Variants in LTC4S observed in about 807,000 individuals in gnomAD.
LTC4S encodes LTC4 synthase.
LTC4S carries 18 observed loss-of-function variants against 19.6 expected under a neutral mutation model. The observed-to-expected ratio is 0.92, with a 90% CI of 0.64 to 1.36. The LOEUF is 1.36. Among genes scored for constraint, LTC4S ranks in the 40% most tolerant of loss-of-function variants. The pLI is 0.00. For missense variants in LTC4S, 235 were observed against 212.2 expected (o/e 1.11, Z -0.67); for synonymous variants, 126 against 110.1 (o/e 1.14, Z -0.91).
rs970216455 is a variant in LTC4S at position 179,796,621 on chromosome 5, G to C, written c.*227G>C. The C allele has an allele frequency of 1.1e-5, 6 of 536,038 alleles. No homozygotes were observed. The African/African-American group carries it at 1.2e-4, about 11-fold the overall frequency. The allele number at this position is 536,038 out of a possible 1,614,324, so 33.2% of individuals were successfully genotyped here. ...CCGGGGCGGGCTTCCTAGTGGCGGCGTGAGAGTGGCTGCGAAGGAACGAGC... is the reference window on the plus strand; with the variant it reads ...CCGGGGCGGGCTTCCTAGTGGCGGCCTGAGAGTGGCTGCGAAGGAACGAGC... On this transcript the variant is annotated 3_prime_UTR_variant, in exon 5 of 5. Transcript: ENST00000292596.
At chr5:179,795,005 C>T (rs1276068744) in intron 1 of LTC4S, among the ~76,000 whole-genome samples, 1 of 152,154 alleles carries the variant, frequency 6.6e-6, no homozygotes, top group African/African-American at 2.4e-5. Flanking sequence ...AGGCCTGGGA[C>T]CGGAATGCAG....
chr5:179,795,945 G>C lies in LTC4S; in HGVS notation c.234G>C (p.Ala78=), dbSNP rs773563514. ...GCCCGTGCGTACCTCTCGCAGGGGCGGCGGCCCTGTGCGGCCTGGTCTACC... is the reference window on the plus strand; with the variant it reads ...GCCCGTGCGTACCTCTCGCAGGGGCCGCGGCCCTGTGCGGCCTGGTCTACC... The part of the protein sequence containing the change: ...WVAGIFFHEG[A]AALCGLVYLF... The change falls in exon 4 of 5, where the codon GCG becomes GCC. Residue 78 remains alanine (A), a synonymous_variant. Coordinates refer to ENST00000292596, the MANE Select transcript of LTC4S (RefSeq NM_145867.2). 10 of 1,562,344 alleles carry C rather than the reference G, an allele frequency of 6.4e-6. No homozygotes were observed. The highest frequency in any genetic ancestry group is 8.6e-6 in the Non-Finnish European group (10 of 1,159,342).
In LTC4S at chr5:179,796,492, T is replaced by C; in HGVS notation, c.*98T>C. The stretch of plus-strand genomic sequence containing the variant: ...CGCTTCCGCATCCTAGTCTCTATCA[T>C]TAAAGTTCTAGTGACCGAGACCCGG... On this transcript the variant is annotated 3_prime_UTR_variant, in exon 5 of 5. Transcript: ENST00000292596. 7.4e-7 allele frequency: 1 copy of C among 1,357,158 alleles called. No individual in the cohort carries two copies. The highest frequency in any genetic ancestry group is 9.5e-7 in the Non-Finnish European group (1 of 1,056,280). 84.1% of individuals were successfully genotyped at this position (1,357,158 alleles called of 1,614,324 possible). A position where few individuals can be genotyped will look rare whatever the true frequency, so the allele number is the denominator to read the frequency against.
intron 1 of LTC4S, chr5:179,795,288 C>A: frequency 1.6e-5 from 16 of 996,062 alleles, no homozygotes; most frequent in Non-Finnish European, 2.2e-5. Context: ...GTCTCTCTCG[C>A]GGAGCAGGTG....
rs1018132799 is a variant in LTC4S at position 179,794,147 on chromosome 5, G to C, written c.58+9G>C. On this transcript the variant is annotated intron_variant, in intron 1 of 4. Transcript: ENST00000292596. ...GGGAGTCCTGCTGCAAGGTGGGCTG[G>C]TTCCTATCTAGGAAGAGGGTGGGCC... The C allele has an allele frequency of 1.2e-6, 2 of 1,613,374 alleles. No homozygotes were observed. The highest frequency in any genetic ancestry group is 1.7e-6 in the Non-Finnish European group (2 of 1,179,872).
Position 179,794,030 on chromosome 5 carries a change from G to A in LTC4S, c.-51G>A, listed in dbSNP as rs28365148. The A allele has an allele frequency of 5.2e-3, 8,465 of 1,612,800 alleles. 321 individuals are homozygous for A. In the African/African-American group the frequency reaches 0.09, roughly 17 times the overall value. Reference sequence around the variant, plus strand: ...CTCTGAGCAGCAGACGGGGCTAAGCGTTCCCCAGCTCGCCTTCACACACAG... The same window carrying A: ...CTCTGAGCAGCAGACGGGGCTAAGCATTCCCCAGCTCGCCTTCACACACAG... On this transcript the variant is annotated 5_prime_UTR_variant, in exon 1 of 5. Transcript: ENST00000292596.
chr5:179,796,543 T>TG lies in LTC4S; in HGVS notation c.*151dup. The TG allele has an allele frequency of 8.3e-7, 1 of 1,203,866 alleles. No individual in the cohort carries two copies. Among genetic ancestry groups the TG allele is most frequent in the Non-Finnish European group, 1.1e-6 (1 of 938,984 alleles). 74.6% of individuals were successfully genotyped at this position (1,203,866 alleles called of 1,614,324 possible). A position where few individuals can be genotyped will look rare whatever the true frequency, so the allele number is the denominator to read the frequency against. On this transcript the variant is annotated 3_prime_UTR_variant, in exon 5 of 5. Transcript: ENST00000292596. ...GCTGCGTTCTCTGGGTCCGCGGGGGTGGCGCACCGCGGGCTACGGAGCCTG... is the reference window on the plus strand; with the variant it reads ...GCTGCGTTCTCTGGGTCCGCGGGGGTGGGCGCACCGCGGGCTACGGAGCCTG...
intron 1 of LTC4S, chr5:179,795,291 A>G (rs889605295): frequency 3.2e-5 from 33 of 1,023,476 alleles, no homozygotes; most frequent in Non-Finnish European, 4.2e-5. Context: ...TCTCTCGCGG[A>G]GCAGGTGTCC....
chr5:179,795,693 G>A lies in LTC4S; in HGVS notation c.158+10G>A, dbSNP rs773576827. ...GCGTCTACCGAGCCCAGTGAGGCGC[G>A]GCGGGAGGGCGCGGGGCGGGGAGCG... On this transcript the variant is annotated intron_variant, in intron 2 of 4. Coordinates refer to ENST00000292596, the MANE Select transcript of LTC4S (RefSeq NM_145867.2). 3.8e-6 allele frequency: 6 copies of A among 1,585,788 alleles called. 1 individual carries two copies. The South Asian group carries it at 6.8e-5, about 18-fold the overall frequency.
In LTC4S at chr5:179,796,618, G is replaced by A; in HGVS notation, c.*224G>A. The A allele has an allele frequency of 1.8e-6, 1 of 552,648 alleles. No individual in the cohort carries two copies. The highest frequency in any genetic ancestry group is 3.6e-5 in the South Asian group (1 of 27,450). The allele number at this position is 552,648 out of a possible 1,614,324, so 34.2% of individuals were successfully genotyped here. A position where few individuals can be genotyped will look rare whatever the true frequency, so the allele number is the denominator to read the frequency against. ...AGCCCGGGGCGGGCTTCCTAGTGGC[G>A]GCGTGAGAGTGGCTGCGAAGGAACG... On this transcript the variant is annotated 3_prime_UTR_variant, in exon 5 of 5. Coordinates refer to ENST00000292596, the MANE Select transcript of LTC4S (RefSeq NM_145867.2).
Position 179,796,037 on chromosome 5 carries a change from G to A in LTC4S, c.311+15G>A, listed in dbSNP as rs1756609300. On this transcript the variant is annotated intron_variant, in intron 4 of 4. Transcript: ENST00000292596. Reference sequence around the variant, plus strand: ...GCGCAGCTCAGGTGAGGGCCGGGCGGGGAGCGGGGCGGGGCCGGGGAAAGA... The same window carrying A: ...GCGCAGCTCAGGTGAGGGCCGGGCGAGGAGCGGGGCGGGGCCGGGGAAAGA... 6.6e-7 allele frequency: 1 copy of A among 1,513,082 alleles called. No homozygotes were observed. The highest frequency in any genetic ancestry group is 8.8e-7 in the Non-Finnish European group (1 of 1,137,148). 93.7% of individuals were successfully genotyped at this position (1,513,082 alleles called of 1,614,324 possible). A position where few individuals can be genotyped will look rare whatever the true frequency, so the allele number is the denominator to read the frequency against.
chr5:179,795,775 G>T lies in LTC4S; in HGVS notation c.159-11G>T. On this transcript the variant is annotated splice_polypyrimidine_tract_variant and intron_variant, in intron 2 of 4. Transcript: ENST00000292596. ...CCCGGCCGGCGCGCTCATCCCACCC[G>T]CCCACCGCAGGGTGAACTGCAGCGA... The T allele has an allele frequency of 1.3e-6, 1 of 789,492 alleles. No homozygotes were observed. 48.9% of individuals were successfully genotyped at this position (789,492 alleles called of 1,614,324 possible). A position where few individuals can be genotyped will look rare whatever the true frequency, so the allele number is the denominator to read the frequency against.
Position 179,795,696 on chromosome 5 carries a change from G to A in LTC4S, c.158+13G>A, listed in dbSNP as rs1177906528. The A allele has an allele frequency of 7.6e-6, 12 of 1,581,514 alleles. No individual in the cohort carries two copies. The highest frequency in any genetic ancestry group is 1.1e-5 in the South Asian group (1 of 87,772). On this transcript the variant is annotated intron_variant, in intron 2 of 4. Coordinates refer to ENST00000292596, the MANE Select transcript of LTC4S (RefSeq NM_145867.2). ...TCTACCGAGCCCAGTGAGGCGCGGCGGGAGGGCGCGGGGCGGGGAGCGAGC... is the reference window on the plus strand; with the variant it reads ...TCTACCGAGCCCAGTGAGGCGCGGCAGGAGGGCGCGGGGCGGGGAGCGAGC...
chr5:179,796,122 G>C, intron 4 of LTC4S, 100 bp downstream of exon 4: 1 of 1,285,644 alleles, frequency 7.8e-7, no homozygotes, highest in Non-Finnish European at 1.0e-6. Flanking sequence ...CGACGGGCCG[G>C]AGCCCAGCGC....
chr5:179,796,202 G>A (rs1398525463), intron 4 of LTC4S, 51 bp from the exon 5 acceptor site: 7 of 1,365,438 alleles, frequency 5.1e-6, no homozygotes, highest in Non-Finnish European at 6.7e-6. Context: ...GGTTGCGGCG[G>A]GGAAGAAGCG....
chr5:179,795,552 A>G, intron 1 of LTC4S, 32 bp from the exon 2 acceptor site: 3 of 1,584,264 alleles, frequency 1.9e-6, no homozygotes, highest in Non-Finnish European at 2.6e-6. Context: ...TCGGGTGTCC[A>G]GACCTGACTC....
chr5:179,796,394 A>G lies in LTC4S; in HGVS notation c.453A>G (p.Ter151TrpextTer73). The change falls in exon 5 of 5, where the codon TGA (stop) becomes TGG (tryptophan). Residue 151 changes from the stop codon to tryptophan, a stop_lost. Coordinates refer to ENST00000292596, the MANE Select transcript of LTC4S (RefSeq NM_145867.2). ...GRLRTLLPWA* is the reference protein window; with the variant it reads ...GRLRTLLPWAW ...TCCGGACGCTGCTGCCGTGGGCCTGAGACCAAGGCCCCCGGGCCGACGGAG... is the reference window on the plus strand; with the variant it reads ...TCCGGACGCTGCTGCCGTGGGCCTGGGACCAAGGCCCCCGGGCCGACGGAG... 1 of 1,491,448 alleles carries G rather than the reference A, an allele frequency of 6.7e-7. No individual in the cohort carries two copies. Among genetic ancestry groups the G allele is most frequent in the Non-Finnish European group, 8.9e-7 (1 of 1,127,156 alleles). The allele number at this position is 1,491,448 out of a possible 1,614,324, so 92.4% of individuals were successfully genotyped here.
At position 179,796,005 on chromosome 5, in the gene LTC4S, G is replaced by C. The variant is rs956691548; in HGVS notation, c.294G>C (p.Ala98=). 6.5e-7 allele frequency: 1 copy of C among 1,532,784 alleles called. No individual in the cohort carries two copies. The highest frequency in any genetic ancestry group is 8.7e-7 in the Non-Finnish European group (1 of 1,145,864). 94.9% of individuals were successfully genotyped at this position (1,532,784 alleles called of 1,614,324 possible). A position where few individuals can be genotyped will look rare whatever the true frequency, so the allele number is the denominator to read the frequency against. The change falls in exon 4 of 5, where the codon GCG becomes GCC. Residue 98 remains alanine, a synonymous_variant. Coordinates refer to ENST00000292596, the MANE Select transcript of LTC4S (RefSeq NM_145867.2). ...FARLRYFQGY[A]RSAQLRLAPL... ...GCCTCCGCTACTTCCAGGGCTACGCGCGCTCCGCGCAGCTCAGGTGAGGGC... is the reference window on the plus strand; with the variant it reads ...GCCTCCGCTACTTCCAGGGCTACGCCCGCTCCGCGCAGCTCAGGTGAGGGC...
At chr5:179,796,104 G>C in intron 4 of LTC4S, 82 bp downstream of exon 4, 2 of 1,337,732 alleles carry the variant, frequency 1.5e-6, no homozygotes, top group African/African-American at 1.5e-5. Flanking sequence ...ACCGAAGCTG[G>C]GGGCGGGCGA....
Sources: allele counts gnomAD v4.1 joint callset (sites outside exome capture counted in the v4.1 genomes callset), GRCh38; gene constraint gnomAD v4.1.1; transcripts MANE v1.5; gene names NCBI Gene and HGNC (gene_info 2026-07-23, HGNC 2026-07-21).